TMC1: variants seen among roughly 807,000 people sequenced by gnomAD.
The protein encoded by TMC1 is transmembrane channel-like protein 1.
A neutral mutation model predicts 105.8 loss-of-function variants in TMC1; 84 were observed. The observed-to-expected ratio is 0.79, with a 90% confidence interval of 0.67 to 0.95. The LOEUF is 0.95. TMC1 is among the 40% of genes least tolerant of loss of function. TMC1 has a pLI of 0.00. For synonymous variants in TMC1, 315 were observed against 311.5 expected, an observed-to-expected ratio of 1.01 and a Z score of -0.12; for missense variants, 817 against 914.1, an observed-to-expected ratio of 0.89 and a Z score of 1.37.
At position 72,725,653 on chromosome 9, in the gene TMC1, G is replaced by T. The variant is rs150284897; in HGVS notation, c.363-14466G>T. Among the ~76,000 whole-genome samples the T allele has an allele frequency of 2.2e-4, 34 of 151,770 alleles. No homozygotes were observed. The East Asian group carries it at 6.7e-3, about 30-fold the overall frequency. ...AGATTGTGCCCACCAGATTAAGGGT[G>T]CATCTGCCTTCCCCAGCCCACTGAC... On this transcript the variant is annotated intron_variant, in intron 8 of 23. Transcript: ENST00000297784.
At chr9:72,755,259 A>G (rs1316349438) in intron 12 of TMC1, among the ~76,000 whole-genome samples, 1 of 152,202 alleles carries the variant, frequency 6.6e-6, no homozygotes, top group Admixed American at 6.5e-5. Context: ...TATTCTTATC[A>G]CTGACTTTGG....
At chr9:72,763,085 CTTTT>C (rs148498655) in intron 12 of TMC1, among the ~76,000 whole-genome samples, 122 of 109,486 alleles carry the variant, frequency 1.1e-3, no homozygotes, top group African/African-American at 2.7e-3. Flanking sequence ...CTAGCGATGC[CTTTT>C]TTTTTTTTTT....
At chr9:72,585,736 T>C (rs1254491793) in intron 2 of TMC1, among the ~76,000 whole-genome samples, 1 of 152,140 alleles carries the variant, frequency 6.6e-6, no homozygotes, top group African/African-American at 2.4e-5. Context: ...ATAGTGATGG[T>C]GTGCAGATAG....
intron 2 of TMC1, among the ~76,000 whole-genome samples, chr9:72,592,347 T>C (rs1343518643): frequency 6.6e-6 from 1 of 152,174 alleles, no homozygotes; most frequent in East Asian, 1.9e-4. Flanking sequence ...GATATAAACT[T>C]GGGGATCATT....
chr9:72,806,962 A>T (rs1249482177), intron 18 of TMC1, among the ~76,000 whole-genome samples: 1 of 152,206 alleles, frequency 6.6e-6, no homozygotes, highest in South Asian at 2.1e-4. Flanking sequence ...ACTGCACTCC[A>T]GCCTGGGCAC....
intron 2 of TMC1, among the ~76,000 whole-genome samples, chr9:72,603,572 G>C (rs915948259): frequency 6.6e-6 from 1 of 151,886 alleles, no homozygotes; most frequent in Non-Finnish European, 1.5e-5. Context: ...TGTTGTTGTT[G>C]TTGCTGTTTT....
intron 19 of TMC1, among the ~76,000 whole-genome samples, chr9:72,818,398 A>T (rs987304908): frequency 6.6e-6 from 1 of 152,212 alleles, no homozygotes; most frequent in African/African-American, 2.4e-5. Context: ...TGAAATACAC[A>T]TGATAGTTTC....
chr9:72,601,628 G>C (rs1271891968), intron 2 of TMC1, among the ~76,000 whole-genome samples: 2 of 152,080 alleles, frequency 1.3e-5, no homozygotes, highest in Non-Finnish European at 2.9e-5. Context: ...CTGGGTGACA[G>C]AGTGAGACCC....
intron 5 of TMC1, among the ~76,000 whole-genome samples, chr9:72,665,039 G>A (rs1006712007): frequency 5.9e-5 from 9 of 152,118 alleles, no homozygotes; most frequent in South Asian, 2.1e-4. Context: ...CAGTGACTGC[G>A]CAACAGATGA....
At chr9:72,740,756 A>G (rs1211053745) in intron 9 of TMC1, among the ~76,000 whole-genome samples, 1 of 152,182 alleles carries the variant, frequency 6.6e-6, no homozygotes, top group Non-Finnish European at 1.5e-5. Context: ...AGGAACATAG[A>G]TATTATTATC....
chr9:72,523,383 C>T (rs1823348211), intron 1 of TMC1, among the ~76,000 whole-genome samples: 2 of 152,150 alleles, frequency 1.3e-5, no homozygotes, highest in Admixed American at 6.5e-5. Context: ...TGACTACCCT[C>T]ACACTTTCCT....
chr9:72,793,793 C>T (rs1188484510), intron 17 of TMC1, among the ~76,000 whole-genome samples: 1 of 152,200 alleles, frequency 6.6e-6, no homozygotes, highest in African/African-American at 2.4e-5. Flanking sequence ...CAGACTTTTA[C>T]ATGGGTGCCC....
At chr9:72,586,747 C>T (rs1587975052) in intron 2 of TMC1, among the ~76,000 whole-genome samples, 1 of 152,320 alleles carries the variant, frequency 6.6e-6, no homozygotes, top group East Asian at 1.9e-4. Flanking sequence ...AAACTCAAAA[C>T]TCTAGGCAGA....
intron 10 of TMC1, among the ~76,000 whole-genome samples, chr9:72,748,173 G>A (rs1286408939): frequency 1.3e-5 from 2 of 152,176 alleles, no homozygotes; most frequent in African/African-American, 4.8e-5. Context: ...TCAAACACCT[G>A]TAGCTCAAGA....
intron 13 of TMC1, 41 bp from the exon 14 acceptor site, chr9:72,788,298 C>A (rs778950764): frequency 1.1e-5 from 18 of 1,613,064 alleles, no homozygotes; most frequent in African/African-American, 1.3e-5. Flanking sequence ...TCCCCTATCT[C>A]ATTTTTTCTG....
intron 2 of TMC1, among the ~76,000 whole-genome samples, chr9:72,586,451 A>T (rs912620557): frequency 2.6e-5 from 4 of 151,852 alleles, no homozygotes; most frequent in African/African-American, 9.7e-5. Flanking sequence ...TATGTAGCTC[A>T]GATTCCCCCA....
At chr9:72,727,504 C>T (rs1827142680) in intron 8 of TMC1, among the ~76,000 whole-genome samples, 1 of 152,162 alleles carries the variant, frequency 6.6e-6, no homozygotes, top group Non-Finnish European at 1.5e-5. Context: ...GGTGGGTCCT[C>T]CTCATAGCTA....
At chr9:72,745,176 C>G (rs1411189002) in intron 10 of TMC1, among the ~76,000 whole-genome samples, 1 of 152,160 alleles carries the variant, frequency 6.6e-6, no homozygotes, top group Non-Finnish European at 1.5e-5. Context: ...TTGAGTACCA[C>G]CATGAGTCAG....
intron 10 of TMC1, among the ~76,000 whole-genome samples, chr9:72,751,143 C>T (rs1275495516): frequency 6.6e-6 from 1 of 152,194 alleles, no homozygotes; most frequent in African/African-American, 2.4e-5. Context: ...ATCTCTATCT[C>T]TGTATCTTTC....
Sources: gnomAD v4.1 joint callset for allele counts (sites outside exome capture counted in the v4.1 genomes callset) on GRCh38, gnomAD v4.1.1 for gene constraint, MANE v1.5 for transcripts, NCBI Gene and HGNC (gene_info 2026-07-23, HGNC 2026-07-21) for gene names.